NPNT: variants seen among roughly 807,000 people sequenced by gnomAD.
The protein encoded by NPNT is preosteoblast EGF-like repeat protein with MAM domain.
Under a neutral mutation model 68.6 loss-of-function variants are expected in NPNT, and 45 were observed. The observed-to-expected ratio is 0.66, with a 90% CI of 0.52 to 0.84. The LOEUF (loss-of-function observed/expected upper bound fraction) is 0.84. Among genes scored for constraint, NPNT ranks in the 40% least tolerant of loss-of-function variants. The pLI is 0.00. For missense variants in NPNT, 672 were observed against 714.8 expected (o/e 0.94, Z 0.68); for synonymous variants, 233 against 253.3 (o/e 0.92, Z 0.76).
intron 10 of NPNT, among the ~76,000 whole-genome samples, chr4:105,962,759 AG>A (rs1731819048): frequency 5.9e-5 from 9 of 152,180 alleles, no homozygotes; most frequent in South Asian, 4.1e-4. Context: ...GAATATGTTG[AG>A]AGAATTATAA....
rs573132336 is a variant in NPNT, at chr4:105,932,299, T to C, written c.266-4710T>C. 2.0e-5 allele frequency among the ~76,000 whole-genome samples: 3 copies of C among 152,292 alleles called. No homozygotes were observed. The East Asian group carries it at 5.8e-4, about 29-fold the overall frequency. ...TGTTTTTTGTTTTCTTCCTTCTGTG[T>C]ATGACTAAATAATACTTTTAAAAAT... On this transcript the variant is annotated intron_variant, in intron 3 of 11. Coordinates refer to ENST00000379987, the MANE Select transcript of NPNT (RefSeq NM_001033047.3).
chr4:105,946,402 A>G (rs1297637701), intron 8 of NPNT, among the ~76,000 whole-genome samples: 1 of 152,212 alleles, frequency 6.6e-6, no homozygotes. Context: ...TATATCCAGC[A>G]TCTCCAAAGG....
intron 2 of NPNT, among the ~76,000 whole-genome samples, chr4:105,909,704 C>G (rs1470137310): frequency 1.3e-5 from 2 of 152,028 alleles, no homozygotes; most frequent in African/African-American, 2.4e-5. Flanking sequence ...CTGTTTTTGA[C>G]AATGAAAAAT....
At position 105,899,671 on chromosome 4, in the gene NPNT, C is replaced by T. The variant is rs561984961; in HGVS notation, c.172+1670C>T. Among the ~76,000 whole-genome samples, 3 of 152,290 alleles carry T rather than the reference C, an allele frequency of 2.0e-5. No individual in the cohort carries two copies. In the South Asian group the frequency reaches 6.2e-4, roughly 32 times the overall value. The stretch of plus-strand genomic sequence containing the variant: ...TTATACTTCCAAAATCAAAGTAGTT[C>T]CAAGGTTTTCTATGTTACAGTGAAA... On this transcript the variant is annotated intron_variant, in intron 2 of 11. Transcript: ENST00000379987.
chr4:105,931,848 G>A lies in NPNT; in HGVS notation c.265+4420G>A, dbSNP rs1310511183. ...GAGCAAGACTCCATCTAAAAAAAAA[G>A]GAAGTTGTATGCTTTCAACTCCCAA... On this transcript the variant is annotated intron_variant, in intron 3 of 11. Coordinates refer to ENST00000379987, the MANE Select transcript of NPNT (RefSeq NM_001033047.3). Among the ~76,000 whole-genome samples, 6 of 151,822 alleles carry A rather than the reference G, an allele frequency of 4.0e-5. No individual in the cohort carries two copies. In the East Asian group the frequency reaches 1.2e-3, roughly 29 times the overall value.
At chr4:105,910,397 G>A (rs963919453) in intron 2 of NPNT, among the ~76,000 whole-genome samples, 10 of 152,136 alleles carry the variant, frequency 6.6e-5, no homozygotes, top group Non-Finnish European at 1.3e-4. Flanking sequence ...ATTTTATGAT[G>A]GCCATAGAGC....
At chr4:105,903,475 C>G (rs2149318775) in intron 2 of NPNT, among the ~76,000 whole-genome samples, 1 of 152,332 alleles carries the variant, frequency 6.6e-6, no homozygotes, top group East Asian at 1.9e-4. Flanking sequence ...TGCAGACACT[C>G]TTGCCGCTTT....
chr4:105,947,508 A>G (rs1730478763), intron 8 of NPNT, among the ~76,000 whole-genome samples: 1 of 152,058 alleles, frequency 6.6e-6, no homozygotes, highest in Admixed American at 6.6e-5. Flanking sequence ...CACTCATCCC[A>G]CCACTGGAGC....
At chr4:105,928,932 G>GT (rs78548495) in intron 3 of NPNT, among the ~76,000 whole-genome samples, 136,468 of 151,654 alleles carry the variant, frequency 0.9, 61,686 homozygotes, top group East Asian at 1. Flanking sequence ...TATAGACACA[G>GT]TTTTTTTTCA....
intron 8 of NPNT, among the ~76,000 whole-genome samples, chr4:105,951,552 G>T (rs2149390605): frequency 6.6e-6 from 1 of 152,216 alleles, no homozygotes; most frequent in South Asian, 2.1e-4. Context: ...GGGGTGAAAA[G>T]GTCTTCAAAG....
At chr4:105,957,686 A>C (rs992157222) in intron 8 of NPNT, among the ~76,000 whole-genome samples, 1 of 152,168 alleles carries the variant, frequency 6.6e-6, no homozygotes, top group Non-Finnish European at 1.5e-5. Flanking sequence ...GAAAGTGTGT[A>C]ATAGGGGCTT....
At chr4:105,951,548 A>T (rs983968810) in intron 8 of NPNT, among the ~76,000 whole-genome samples, 3 of 152,150 alleles carry the variant, frequency 2.0e-5, no homozygotes, top group African/African-American at 7.2e-5. Context: ...CTGAGGGGTG[A>T]AAAGGTCTTC....
intron 2 of NPNT, among the ~76,000 whole-genome samples, chr4:105,898,782 G>C (rs890284978): frequency 6.6e-6 from 1 of 152,100 alleles, no homozygotes; most frequent in Admixed American, 6.5e-5. Flanking sequence ...TAGGAAATTT[G>C]TCCCCAGCAT....
At chr4:105,928,356 G>A (rs1356942244) in intron 3 of NPNT, among the ~76,000 whole-genome samples, 1 of 152,186 alleles carries the variant, frequency 6.6e-6, no homozygotes. Flanking sequence ...GCTCACACCT[G>A]TAATCCCAGC....
At chr4:105,967,547 A>G (rs1732268316) in intron 11 of NPNT, 103 bp downstream of exon 11, 4 of 1,247,948 alleles carry the variant, frequency 3.2e-6, no homozygotes, top group Admixed American at 3.1e-5. Context: ...ATTCAGGCTC[A>G]GATAAAGGTT....
intron 2 of NPNT, among the ~76,000 whole-genome samples, chr4:105,920,037 T>C (rs1422851031): frequency 6.6e-6 from 1 of 152,094 alleles, no homozygotes; most frequent in Non-Finnish European, 1.5e-5. Flanking sequence ...TTCTACATGT[T>C]AGTAGGCATT....
intron 2 of NPNT, chr4:105,912,705 G>A (rs183157768): frequency 3.6e-6 from 1 of 277,224 alleles, no homozygotes; most frequent in Non-Finnish European, 5.5e-6. Flanking sequence ...TAGCACTTAC[G>A]GGCATTTATG....
rs751520724 is a variant in NPNT, at chr4:105,937,162, T to C, written c.385+34T>C. Reference sequence around the variant, plus strand: ...AGAATCTTAACTGTTTTATAAGTGCTTTGGGCTTGTTTCTGTTGTGCTCTG... The same window carrying C: ...AGAATCTTAACTGTTTTATAAGTGCCTTGGGCTTGTTTCTGTTGTGCTCTG... On this transcript the variant is annotated intron_variant, in intron 4 of 11. Coordinates refer to ENST00000379987, the MANE Select transcript of NPNT (RefSeq NM_001033047.3). 3 of 1,609,116 alleles carry C rather than the reference T, an allele frequency of 1.9e-6. No individual in the cohort carries two copies. The African/African-American group carries it at 4.0e-5, about 22-fold the overall frequency.
intron 2 of NPNT, among the ~76,000 whole-genome samples, chr4:105,915,031 A>G (rs6815439): frequency 0.073 from 11,040 of 152,260 alleles, 722 homozygotes; most frequent in African/African-American, 0.17. Flanking sequence ...GTAATGGATC[A>G]GATCTAGCAC....
Sources: gnomAD v4.1 joint callset for allele counts (sites outside exome capture counted in the v4.1 genomes callset) on GRCh38, gnomAD v4.1.1 for gene constraint, MANE v1.5 for transcripts, NCBI Gene and HGNC (gene_info 2026-07-23, HGNC 2026-07-21) for gene names.